LMO7: variants seen among roughly 807,000 people sequenced by gnomAD.
LMO7 encodes LIM domain only protein 7.
Under a neutral mutation model 206.5 loss-of-function variants are expected in LMO7, and 120 were observed. That is an observed-to-expected ratio of 0.58 (90% confidence interval 0.50 to 0.68). LMO7 has a LOEUF of 0.68. Among genes scored for constraint, LMO7 ranks in the 30% least tolerant of loss-of-function variants. The pLI is 0.00. For synonymous variants in LMO7, 706 were observed against 681.5 expected (o/e 1.04, Z -0.56); for missense variants, 1,959 against 1,957.9 (o/e 1.00, Z -0.01).
At chr13:75,681,908 T>C (rs544918526) in intron 1 of LMO7, among the ~76,000 whole-genome samples, 35 of 151,770 alleles carry the variant, frequency 2.3e-4, no homozygotes, top group Admixed American at 6.6e-4. Context: ...GTTAATCCAT[T>C]TGAAGGAGAT....
At chr13:75,680,153 G>T (rs2040353181) in intron 1 of LMO7, among the ~76,000 whole-genome samples, 1 of 152,176 alleles carries the variant, frequency 6.6e-6, no homozygotes. Context: ...GCGGTGTTCA[G>T]TTTTCTATTC....
chr13:75,630,878 A>C (rs1481691879), intron 2 of LMO7, among the ~76,000 whole-genome samples: 1 of 151,796 alleles, frequency 6.6e-6, no homozygotes, highest in Admixed American at 6.6e-5. Flanking sequence ...CTGGTTTCGA[A>C]CTCCTGACCT....
chr13:75,755,660 C>A (rs1594755843), intron 3 of LMO7, among the ~76,000 whole-genome samples: 2 of 152,180 alleles, frequency 1.3e-5, no homozygotes, highest in South Asian at 4.1e-4. Flanking sequence ...ATCTGAAACT[C>A]AACATTTCTA....
chr13:75,642,106 A>G (rs181664254), intron 1 of LMO7, among the ~76,000 whole-genome samples: 1 of 152,294 alleles, frequency 6.6e-6, no homozygotes, highest in Non-Finnish European at 1.5e-5. Context: ...ATTTACACAA[A>G]TAGGAACCAG....
intron 1 of LMO7, among the ~76,000 whole-genome samples, chr13:75,679,350 G>A (rs751759533): frequency 7.2e-5 from 11 of 152,178 alleles, no homozygotes; most frequent in Non-Finnish European, 1.3e-4. Context: ...GGCTGAGAGC[G>A]GCAGTTCCAG....
chr13:75,806,092 G>T, intron 9 of LMO7: 1 of 1,068,024 alleles, frequency 9.4e-7, no homozygotes, highest in Non-Finnish European at 1.1e-6. Flanking sequence ...TGAGGACTCA[G>T]GTTCTGACAG....
rs375007105 is a variant in LMO7 at position 75,840,516 on chromosome 13, C to T, written c.3582+21C>T. On this transcript the variant is annotated intron_variant, in intron 22 of 30. Transcript: ENST00000377534. ...TGCAGGTAGCTCTGGCTCACGTGGA[C>T]GGGTAGAAACTAGGTTGGATTTCAC... is the stretch of plus-strand genomic sequence containing the variant. 6.5e-5 allele frequency: 105 copies of T among 1,611,080 alleles called. No individual in the cohort carries two copies. In the African/African-American group the frequency reaches 9.3e-4, roughly 14 times the overall value.
intron 24 of LMO7, among the ~76,000 whole-genome samples, chr13:75,842,211 A>G (rs1041315182): frequency 1.3e-5 from 2 of 152,190 alleles, no homozygotes; most frequent in Non-Finnish European, 2.9e-5. Flanking sequence ...CATCCTTGCC[A>G]AGGCCTAGAA....
At chr13:75,765,353 GT>G (rs1321254523) in intron 4 of LMO7, among the ~76,000 whole-genome samples, 2 of 143,426 alleles carry the variant, frequency 1.4e-5, no homozygotes, top group African/African-American at 2.6e-5. Flanking sequence ...TTTCAAATGA[GT>G]TTCTCAACAT....
At chr13:75,635,358 A>G (rs1192337767), upstream of LMO7, among the ~76,000 whole-genome samples, 1 of 152,112 alleles carries the variant, frequency 6.6e-6, no homozygotes, top group East Asian at 1.9e-4. Flanking sequence ...ACAGATGAGT[A>G]GGCTCCTTTG....
At chr13:75,633,105 C>A (rs967587889), upstream of LMO7, among the ~76,000 whole-genome samples, 3 of 151,902 alleles carry the variant, frequency 2.0e-5, no homozygotes, top group Non-Finnish European at 4.4e-5. Flanking sequence ...CTTAGTGACC[C>A]GCCCGCCTCG....
intron 14 of LMO7, among the ~76,000 whole-genome samples, chr13:75,823,016 A>G (rs1338684843): frequency 6.6e-6 from 1 of 152,004 alleles, no homozygotes; most frequent in Non-Finnish European, 1.5e-5. Context: ...ACTATGGAAC[A>G]TTCAGCAAGT....
chr13:75,769,302 T>G (rs1318271035), intron 4 of LMO7, among the ~76,000 whole-genome samples: 1 of 151,932 alleles, frequency 6.6e-6, no homozygotes. Context: ...TGTTGGTGGA[T>G]TTATCCTTTG....
chr13:75,671,060 C>T (rs1175322609), intron 1 of LMO7, among the ~76,000 whole-genome samples: 8 of 147,062 alleles, frequency 5.4e-5, no homozygotes, highest in Non-Finnish European at 1.0e-4. Flanking sequence ...TTAGGATCAT[C>T]GATATCACTG....
chr13:75,669,372 C>T (rs1406509566), intron 1 of LMO7, among the ~76,000 whole-genome samples: 1 of 148,124 alleles, frequency 6.8e-6, no homozygotes, highest in Admixed American at 6.6e-5. Context: ...GAAAAGTGAC[C>T]CCCCCGCCGC....
intron 11 of LMO7, among the ~76,000 whole-genome samples, chr13:75,813,527 G>C (rs888283377): frequency 7.9e-5 from 12 of 152,156 alleles, no homozygotes; most frequent in African/African-American, 2.9e-4. Flanking sequence ...CCTGGCTCCA[G>C]CTGCTGTACA....
chr13:75,845,288 T>C lies in LMO7; in HGVS notation c.4098-39T>C, dbSNP rs761235922. 74 of 989,868 alleles carry C rather than the reference T, an allele frequency of 7.5e-5. 1 individual carries two copies. The Admixed American group carries it at 1.7e-3, about 22-fold the overall frequency. 61.3% of individuals were successfully genotyped at this position (989,868 alleles called of 1,614,324 possible). A position where few individuals can be genotyped will look rare whatever the true frequency, so the allele number is the denominator to read the frequency against. ...CTTCATAAATATAAAGGAGGTTATT[T>C]AATGAGACATATTTAATATATTGTG... On this transcript the variant is annotated intron_variant, in intron 25 of 30. Coordinates refer to ENST00000377534, the MANE Select transcript of LMO7 (RefSeq NM_001306080.2).
chr13:75,672,137 G>A (rs1246881084), intron 1 of LMO7, among the ~76,000 whole-genome samples: 1 of 151,982 alleles, frequency 6.6e-6, no homozygotes. Context: ...CAGATACAGA[G>A]AGCCGGCTGT....
At chr13:75,852,018 A>G (rs2060539439) in intron 27 of LMO7, among the ~76,000 whole-genome samples, 1 of 152,226 alleles carries the variant, frequency 6.6e-6, no homozygotes, top group Non-Finnish European at 1.5e-5. Flanking sequence ...TTGTGAAGGT[A>G]TCTAACCTAA....
Sources: allele counts gnomAD v4.1 joint callset (sites outside exome capture counted in the v4.1 genomes callset), GRCh38; gene constraint gnomAD v4.1.1; transcripts MANE v1.5; gene names NCBI Gene and HGNC (gene_info 2026-07-23, HGNC 2026-07-21).